The following GAK variants were observed in gnomAD, a reference collection of about 807,000 sequenced individuals.
GAK encodes cyclin G associated kinase.
A neutral mutation model predicts 143.9 loss-of-function variants in GAK; 79 were observed. That is an observed-to-expected ratio of 0.55 (90% confidence interval 0.46 to 0.66). GAK has a LOEUF of 0.66. GAK is among the 30% of genes least tolerant of loss of function. The pLI is 0.00. For synonymous variants in GAK, 881 were observed against 765.5 expected (o/e 1.15, Z -2.49); for missense variants, 1,693 against 1,779.7 (o/e 0.95, Z 0.88).
chr4:850,906 G>A (rs1361118543), intron 26 of GAK, 30 bp downstream of exon 26: 1 of 1,603,854 alleles, frequency 6.2e-7, no homozygotes, highest in African/African-American at 1.3e-5. Context: ...AGGCCTCTGG[G>A]CTCCCAGGAA....
chr4:851,327 C>A (rs1748102634), intron 25 of GAK: 1 of 448,828 alleles, frequency 2.2e-6, no homozygotes, highest in Non-Finnish European at 4.1e-6. Flanking sequence ...AACTCCTGGG[C>A]TCCAGCGATC....
intron 19 of GAK, chr4:869,790 GATGC>G (rs1224845962): frequency 7.2e-6 from 1 of 138,454 alleles, no homozygotes; most frequent in Non-Finnish European, 1.5e-5. Flanking sequence ...ACACAGCAGA[GATGC>G]ATGGTACACA....
intron 23 of GAK, among the ~76,000 whole-genome samples, chr4:863,823 G>C (rs867941143): frequency 6.0e-5 from 9 of 150,752 alleles, no homozygotes; most frequent in African/African-American, 4.9e-5. Context: ...AGGAGTTCGA[G>C]ACCAGCCCGA....
intron 15 of GAK, among the ~76,000 whole-genome samples, chr4:878,858 C>T (rs1714524969): frequency 1.3e-5 from 2 of 152,194 alleles, no homozygotes; most frequent in South Asian, 2.1e-4. Context: ...TCTCCCGGAG[C>T]TTGTGCGGGC....
At chr4:914,358 C>A (rs1389585694) in intron 1 of GAK, among the ~76,000 whole-genome samples, 1 of 112,976 alleles carries the variant, frequency 8.9e-6, no homozygotes, top group Non-Finnish European at 1.8e-5. Flanking sequence ...ACAGCCCCAG[C>A]GTGCACGGCC....
chr4:921,156 G>A (rs1281828612), intron 1 of GAK, among the ~76,000 whole-genome samples: 2 of 152,020 alleles, frequency 1.3e-5, no homozygotes, highest in Admixed American at 1.3e-4. Context: ...AGGCTGGAGT[G>A]CAGTGGCACA....
chr4:905,478 G>A (rs753120548), intron 4 of GAK, among the ~76,000 whole-genome samples: 45 of 142,062 alleles, frequency 3.2e-4, no homozygotes, highest in Non-Finnish European at 5.8e-4. Context: ...CCCATGCCAT[G>A]CTACGGACTC....
At position 932,057 on chromosome 4, in the gene GAK, C is replaced by A; in HGVS notation, c.131G>T (p.Arg44Leu). Residue 44 changes from arginine (R) to leucine (L), a missense_variant, in exon 1 of 28, where the codon CGG becomes CTG. By Grantham distance (102) the Arg-to-Leu change is moderately radical. Coordinates refer to ENST00000314167, the MANE Select transcript of GAK (RefSeq NM_005255.4). The surrounding 1 kb of genome is among the most constrained non-coding windows in gnomAD (Gnocchi z 4.0). ...CGGGGCCTCACCTTCGGCCAGGACC[C>A]GCCGCACCCGCAGCCGCAGCTCGCC... The part of the protein sequence containing the change: ...ELGELRLRVR[R>L]VLAEGGFAFV... The A allele has an allele frequency of 6.3e-7, 1 of 1,599,210 alleles. No individual in the cohort carries two copies.
chr4:893,630 AG>A, intron 8 of GAK, 141 bp from the exon 9 acceptor site: 1 of 720,374 alleles, frequency 1.4e-6, no homozygotes, highest in South Asian at 2.1e-5. Context: ...GGAGCGGCAA[AG>A]GGAAGAACAA....
intron 4 of GAK, among the ~76,000 whole-genome samples, chr4:909,680 C>T (rs1421634384): frequency 3.9e-5 from 6 of 152,220 alleles, no homozygotes; most frequent in Non-Finnish European, 7.3e-5. Flanking sequence ...GCTTTCTGGT[C>T]TTGACGTCTG....
At position 897,170 on chromosome 4, in the gene GAK, G is replaced by A. The variant is rs886643128; in HGVS notation, c.652-621C>T. Among the ~76,000 whole-genome samples, 4 of 152,190 alleles carry A rather than the reference G, an allele frequency of 2.6e-5. 1 individual carries two copies. The highest frequency in any genetic ancestry group is 4.4e-5 in the Non-Finnish European group (3 of 68,042). On this transcript the variant is annotated intron_variant, in intron 6 of 27. Transcript: ENST00000314167. Reference sequence around the variant, plus strand: ...GAGGAGACAGTGAATCTCCGTGCACGGCAGACACACAAACCCCATCCTCAG... The same window carrying A: ...GAGGAGACAGTGAATCTCCGTGCACAGCAGACACACAAACCCCATCCTCAG...
Position 867,330 on chromosome 4 carries a change from C to T in GAK, c.2498G>A (p.Gly833Glu), listed in dbSNP as rs781556997. ...RDESEVSDEGGSPISSEGQEP... is the reference protein window; with the variant it reads ...RDESEVSDEGESPISSEGQEP... The stretch of plus-strand genomic sequence containing the variant: ...CTGGCCCTCGCTGGAGATCGGGGAT[C>T]CCCCTTCATCTGACACCTCACTCTC... The change falls in exon 21 of 28, where the codon GGA becomes GAA. Residue 833 changes from glycine to glutamate, a missense_variant. Physicochemically the swap from Gly to Glu is moderately conservative, Grantham distance 98 (BLOSUM62 -2). This residue lies in a region of GAK where 822 missense variants were observed against 788.7 expected (regional missense o/e 1.04). Transcript: ENST00000314167. 6.2e-6 allele frequency: 10 copies of T among 1,609,278 alleles called. No homozygotes were observed. Among genetic ancestry groups the T allele is most frequent in the Non-Finnish European group, 8.5e-6 (10 of 1,177,094 alleles).
chr4:865,642 G>C (rs1478569779), intron 22 of GAK, among the ~76,000 whole-genome samples: 5 of 152,228 alleles, frequency 3.3e-5, no homozygotes, highest in African/African-American at 1.2e-4. Context: ...GGCCCAGCAG[G>C]TCCTGTCTGC....
intron 9 of GAK, among the ~76,000 whole-genome samples, chr4:892,135 C>G (rs569068989): frequency 2.8e-4 from 43 of 152,316 alleles, no homozygotes; most frequent in African/African-American, 9.6e-4. Flanking sequence ...GTCCTGTCCT[C>G]AGACAGGGAC....
At chr4:849,833 G>GGCCCCCCCCCCCCCCC in intron 27 of GAK, 59 bp from the exon 28 acceptor site, 3 of 1,190,146 alleles carry the variant, frequency 2.5e-6, no homozygotes, top group Non-Finnish European at 3.5e-6. Context: ...GGCGGGGCAG[G>GGCCCCCCCCCCCCCCC]ACCCCCCCCC....
intron 1 of GAK, among the ~76,000 whole-genome samples, chr4:928,410 G>A (rs1189253190): frequency 6.6e-6 from 1 of 152,124 alleles, no homozygotes; most frequent in African/African-American, 2.4e-5. Context: ...CATGCCTGTC[G>A]TCCCAGCACT....
chr4:913,805 A>G (rs1722444901), intron 1 of GAK, 137 bp from the exon 2 acceptor site: 1 of 714,592 alleles, frequency 1.4e-6, no homozygotes, highest in Admixed American at 2.1e-5. Context: ...TAATGGCCCC[A>G]GCGTACACGC....
Position 911,796 on chromosome 4 carries a change from G to A in GAK, c.268-9C>T. The A allele has an allele frequency of 6.2e-7, 1 of 1,607,676 alleles. No homozygotes were observed. Among genetic ancestry groups the A allele is most frequent in the African/African-American group, 1.3e-5 (1 of 74,930 alleles). On this transcript the variant is annotated splice_polypyrimidine_tract_variant and intron_variant, in intron 3 of 27. Transcript: ENST00000314167. ...TGGCCGGAAAGCTTTTTCTGCAGTT[G>A]TCTTGTTAAAGGAGAACGTACATAA...
At position 867,423 on chromosome 4, in the gene GAK, T is replaced by G. The variant is rs1407005390; in HGVS notation, c.2405A>C (p.Glu802Ala). 1.3e-5 allele frequency: 19 copies of G among 1,519,498 alleles called. No individual in the cohort carries two copies. Among genetic ancestry groups the G allele is most frequent in the Non-Finnish European group, 1.6e-5 (18 of 1,130,186 alleles). 94.1% of individuals were successfully genotyped at this position (1,519,498 alleles called of 1,614,324 possible). A position where few individuals can be genotyped will look rare whatever the true frequency, so the allele number is the denominator to read the frequency against. Residue 802 changes from glutamate to alanine, a missense_variant, in exon 21 of 28, where the codon GAG (glutamate) becomes GCG (alanine). By Grantham distance (107) the Glu-to-Ala change is moderately radical. Around this residue, in one of 2 missense-constraint regions of GAK, gnomAD observed 822 missense variants for 788.7 expected, o/e 1.04. Coordinates refer to ENST00000314167, the MANE Select transcript of GAK (RefSeq NM_005255.4). ...GGCATTTTCTGCACCAGTCTCTGCCTCCTTCTCTTCTGCGAAAAGGAAACA... is the reference window on the plus strand; with the variant it reads ...GGCATTTTCTGCACCAGTCTCTGCCGCCTTCTCTTCTGCGAAAAGGAAACA... ...LHTLDWQEEKEAETGAENASS... is the reference protein window; with the variant it reads ...LHTLDWQEEKAAETGAENASS...
Sources: allele counts gnomAD v4.1 joint callset (sites outside exome capture counted in the v4.1 genomes callset), GRCh38; gene constraint gnomAD v4.1.1; regional missense constraint gnomAD v4.1.1; non-coding constraint Gnocchi (gnomAD v3.1); transcripts MANE v1.5; gene names NCBI Gene and HGNC (gene_info 2026-07-23, HGNC 2026-07-21).